Variants in ARAP2 observed in about 807,000 individuals in gnomAD.
The protein encoded by ARAP2 is ArfGAP with RhoGAP domain, ankyrin repeat and PH domain 2, also known as arf-GAP with Rho-GAP domain, ANK repeat and PH domain-containing protein 2.
In ARAP2, 148 loss-of-function variants were observed where a neutral mutation model predicts 194.5. That is an observed-to-expected ratio of 0.76 (90% confidence interval 0.67 to 0.87). ARAP2 has a LOEUF of 0.87. ARAP2 is among the 40% of genes least tolerant of loss of function. The pLI is 0.00. For missense variants in ARAP2, 2,128 were observed against 1,989.7 expected, an observed-to-expected ratio of 1.07 and a Z score of -1.32; for synonymous variants, 695 against 683.5, an observed-to-expected ratio of 1.02 and a Z score of -0.26.
intron 2 of ARAP2, among the ~76,000 whole-genome samples, chr4:36,055,723 CA>C (rs548168948): frequency 6.7e-4 from 102 of 152,168 alleles, no homozygotes; most frequent in African/African-American, 2.4e-3. Context: ...ACCACCATGA[CA>C]AGCTAATTTT....
In ARAP2 at chr4:36,067,800, CA is replaced by C. The variant is rs1725829196; in HGVS notation, c.*106del. Reference sequence around the variant, plus strand: ...CCTAAGCATAGACAAATTTGCCTATCAATAGGCAAATTCTTATGAATTATCT... The same window carrying C: ...CCTAAGCATAGACAAATTTGCCTATCATAGGCAAATTCTTATGAATTATCT... On this transcript the variant is annotated 3_prime_UTR_variant, in exon 33 of 33. Transcript: ENST00000303965. 7.6e-7 allele frequency: 1 copy of C among 1,314,990 alleles called. No individual in the cohort carries two copies. Among genetic ancestry groups the C allele is most frequent in the East Asian group, 2.5e-5 (1 of 40,444 alleles). 81.5% of individuals were successfully genotyped at this position (1,314,990 alleles called of 1,614,324 possible). A position where few individuals can be genotyped will look rare whatever the true frequency, so the allele number is the denominator to read the frequency against.
chr4:36,199,162 C>A (rs1014811668), intron 6 of ARAP2, among the ~76,000 whole-genome samples: 1 of 152,246 alleles, frequency 6.6e-6, no homozygotes, highest in Non-Finnish European at 1.5e-5. Flanking sequence ...AGTGTCATGG[C>A]AGCAGCGGCT....
chr4:36,014,965 T>G (rs979664870), intron 8 of ARAP2, among the ~76,000 whole-genome samples: 2 of 152,212 alleles, frequency 1.3e-5, no homozygotes, highest in Admixed American at 1.3e-4. Context: ...CACTCCAGGC[T>G]TTTAATGTAT....
intron 12 of ARAP2, among the ~76,000 whole-genome samples, chr4:36,160,949 C>T (rs1207318382): frequency 6.6e-6 from 1 of 152,006 alleles, no homozygotes; most frequent in Non-Finnish European, 1.5e-5. Flanking sequence ...TTTAAATGGC[C>T]GAGTAGGTGG....
rs1438464462 is a variant in ARAP2, at chr4:36,119,715, T to C, written c.3898A>G (p.Lys1300Glu). The part of the protein sequence containing the change: ...INNYVEIFEV[K>E]EDQVKQMDIE... ...TCCATTTGTTTGACTTGATCTTCTTTAACCTGTTTAAAATATAATTCGGGA... is the reference window on the plus strand; with the variant it reads ...TCCATTTGTTTGACTTGATCTTCTTCAACCTGTTTAAAATATAATTCGGGA... Residue 1300 changes from lysine (K) to glutamate (E), a missense_variant, in exon 24 of 33, where the codon AAA becomes GAA. Lys to Glu is a moderately conservative substitution (Grantham distance 56). Transcript: ENST00000303965. 6.3e-7 allele frequency: 1 copy of C among 1,592,802 alleles called. No individual in the cohort carries two copies. The highest frequency in any genetic ancestry group is 1.3e-5 in the African/African-American group (1 of 74,444).
intron 3 of ARAP2, among the ~76,000 whole-genome samples, chr4:36,049,580 A>G (rs1722339842): frequency 6.6e-6 from 1 of 152,198 alleles, no homozygotes; most frequent in African/African-American, 2.4e-5. Flanking sequence ...AAATTCTGCT[A>G]TTTCAAAATA....
intron 21 of ARAP2, among the ~76,000 whole-genome samples, chr4:36,125,601 T>C (rs1194485596): frequency 6.6e-6 from 1 of 151,904 alleles, no homozygotes; most frequent in Non-Finnish European, 1.5e-5. Context: ...CCTCCTGCTT[T>C]TGTCATGAAC....
intron 8 of ARAP2, among the ~76,000 whole-genome samples, chr4:36,178,841 C>A (rs967547341): frequency 2.0e-5 from 3 of 152,100 alleles, no homozygotes; most frequent in African/African-American, 7.2e-5. Flanking sequence ...TCTCGAACAA[C>A]TTTTCTTGAA....
intron 27 of ARAP2, among the ~76,000 whole-genome samples, chr4:36,099,258 A>G (rs1716198539): frequency 1.3e-5 from 2 of 152,132 alleles, no homozygotes; most frequent in South Asian, 4.1e-4. Context: ...GCTGCATAGT[A>G]TTCCATGGTG....
intron 27 of ARAP2, among the ~76,000 whole-genome samples, chr4:36,095,634 T>C (rs1310525837): frequency 6.6e-6 from 1 of 152,180 alleles, no homozygotes; most frequent in African/African-American, 2.4e-5. Context: ...ACTGACAATG[T>C]GCCACACGTA....
At chr4:36,115,614 C>T (rs757173128) in intron 25 of ARAP2, among the ~76,000 whole-genome samples, 1 of 151,920 alleles carries the variant, frequency 6.6e-6, no homozygotes, top group African/African-American at 2.4e-5. Context: ...GATCAGTATA[C>T]TGAACGTCCA....
At chr4:36,203,640 GGAA>G (rs1744921437) in intron 6 of ARAP2, among the ~76,000 whole-genome samples, 1 of 151,818 alleles carries the variant, frequency 6.6e-6, no homozygotes, top group South Asian at 2.1e-4. Flanking sequence ...ATAACACTCA[GGAA>G]GAAGATTCAT....
rs766871018 is a variant in ARAP2, at chr4:36,068,077, T to C, written c.4945A>G (p.Lys1649Glu). The C allele has an allele frequency of 1.4e-5, 22 of 1,614,046 alleles. No homozygotes were observed. The highest frequency in any genetic ancestry group is 1.9e-5 in the Non-Finnish European group (22 of 1,180,012). The change falls in exon 33 of 33, where the codon AAA becomes GAA. Residue 1649 changes from lysine (K) to glutamate (E), a missense_variant. Transcript: ENST00000303965. ...AATGTCTTTAGGCCTTTATGGCCTT[T>C]TGGTTGCCCAAGTGGGGCTTCAGGC... ...TEPEAPLGQP[K>E]GHKGLKTLRK...
rs760540984 is a variant in ARAP2, at chr4:36,213,258, T to A, written c.1026A>T (p.Arg342Ser). The A allele has an allele frequency of 5.8e-5, 93 of 1,604,222 alleles. No homozygotes were observed. Among genetic ancestry groups the A allele is most frequent in the Non-Finnish European group, 7.7e-5 (90 of 1,171,868 alleles). ...TGGGACTAACCTTGGAATTTTCTAGTCTCTGGAAGAGAAAGGTCTCTCCAT... is the reference window on the plus strand; with the variant it reads ...TGGGACTAACCTTGGAATTTTCTAGACTCTGGAAGAGAAAGGTCTCTCCAT... ...FPYGETFLFQRLENSKKRSIK... is the reference protein window; with the variant it reads ...FPYGETFLFQSLENSKKRSIK... The change falls in exon 4 of 33, where the codon AGA becomes AGT. Residue 342 changes from arginine (R) to serine (S), a missense_variant. By Grantham distance (110) the Arg-to-Ser change is moderately radical (BLOSUM62 -1). Coordinates refer to ENST00000303965, the MANE Select transcript of ARAP2 (RefSeq NM_015230.4).
At chr4:36,135,211 GAATA>G (rs1726392626) in intron 19 of ARAP2, among the ~76,000 whole-genome samples, 1 of 151,758 alleles carries the variant, frequency 6.6e-6, no homozygotes, top group African/African-American at 2.4e-5. Flanking sequence ...AAAGAGGCAT[GAATA>G]AACCGCATGA....
At chr4:36,054,659 A>G (rs1224828360) in intron 2 of ARAP2, among the ~76,000 whole-genome samples, 1 of 152,254 alleles carries the variant, frequency 6.6e-6, no homozygotes, top group Non-Finnish European at 1.5e-5. Flanking sequence ...CAAAATGGAA[A>G]AAGCAAACAT....
chr4:36,163,694 T>G (rs1734619961), intron 11 of ARAP2, among the ~76,000 whole-genome samples: 1 of 151,870 alleles, frequency 6.6e-6, no homozygotes, highest in South Asian at 2.1e-4. Flanking sequence ...AAAGAAACCA[T>G]GGCTAAATAC....
rs1368027649 is a variant in ARAP2 at position 36,074,551 on chromosome 4, G to T, written c.4609-728C>A. Among the ~76,000 whole-genome samples, 2 of 151,918 alleles carry T rather than the reference G, an allele frequency of 1.3e-5. 1 individual carries two copies. ...ATATACATATAAAAAATTCTTTAAAGAATTTTGTACTCCCCAGGGTAGATT... is the reference window on the plus strand; with the variant it reads ...ATATACATATAAAAAATTCTTTAAATAATTTTGTACTCCCCAGGGTAGATT... On this transcript the variant is annotated intron_variant, in intron 31 of 32. Transcript: ENST00000303965.
intron 6 of ARAP2, among the ~76,000 whole-genome samples, chr4:36,196,069 C>T (rs931112708): frequency 3.3e-5 from 5 of 152,128 alleles, no homozygotes; most frequent in Non-Finnish European, 4.4e-5. Context: ...TTTAAAAGAA[C>T]GGTTGAGGGA....
Sources: allele counts gnomAD v4.1 joint callset (sites outside exome capture counted in the v4.1 genomes callset), GRCh38; gene constraint gnomAD v4.1.1; transcripts MANE v1.5; gene names NCBI Gene and HGNC (gene_info 2026-07-23, HGNC 2026-07-21).